CRTAC1: variants seen among roughly 807,000 people sequenced by gnomAD.
The protein encoded by CRTAC1 is acidic secreted protein in cartilage.
In CRTAC1, 37 loss-of-function variants were observed where a neutral mutation model predicts 67.8. The observed-to-expected ratio is 0.55, with a 90% CI of 0.42 to 0.72. The LOEUF is 0.72. Among genes scored for constraint, CRTAC1 ranks in the 30% least tolerant of loss-of-function variants. CRTAC1 has a pLI of 0.00. For missense variants in CRTAC1, 780 were observed against 931.6 expected, an observed-to-expected ratio of 0.84 and a Z score of 2.12; for synonymous variants, 348 against 371.0, an observed-to-expected ratio of 0.94 and a Z score of 0.71.
At chr10:97,981,736 C>T (rs1456338349) in intron 2 of CRTAC1, among the ~76,000 whole-genome samples, 2 of 152,180 alleles carry the variant, frequency 1.3e-5, no homozygotes, top group African/African-American at 4.8e-5. Flanking sequence ...AATTTTTGAA[C>T]TCCCACTAAT....
intron 2 of CRTAC1, among the ~76,000 whole-genome samples, chr10:97,973,283 A>T (rs1390846364): frequency 1.3e-5 from 2 of 152,114 alleles, no homozygotes; most frequent in Middle Eastern, 3.2e-3. Flanking sequence ...TTCACTGTTC[A>T]GCCTTGTCTC....
intron 1 of CRTAC1, among the ~76,000 whole-genome samples, chr10:98,024,377 G>A (rs557141364): frequency 6.6e-6 from 1 of 152,280 alleles, no homozygotes; most frequent in South Asian, 2.1e-4. Context: ...AAATAAACAA[G>A]GTTTCACTGA....
chr10:97,967,864 G>T (rs970446296), intron 2 of CRTAC1, among the ~76,000 whole-genome samples: 9 of 152,150 alleles, frequency 5.9e-5, no homozygotes, highest in African/African-American at 2.2e-4. Context: ...TTTCAACCCA[G>T]TGATTGTTGA....
chr10:97,899,458 A>G (rs1245571639), intron 8 of CRTAC1, among the ~76,000 whole-genome samples: 1 of 152,140 alleles, frequency 6.6e-6, no homozygotes, highest in East Asian at 1.9e-4. Flanking sequence ...GACAGAGACT[A>G]GGTTCTCGGG....
At chr10:98,025,844 G>T (rs1843221735) in intron 1 of CRTAC1, among the ~76,000 whole-genome samples, 1 of 152,122 alleles carries the variant, frequency 6.6e-6, no homozygotes, top group Non-Finnish European at 1.5e-5. Flanking sequence ...AATAGCTCAG[G>T]GCCCTCCATC....
At chr10:97,992,101 C>A (rs1842472528) in intron 2 of CRTAC1, among the ~76,000 whole-genome samples, 1 of 152,194 alleles carries the variant, frequency 6.6e-6, no homozygotes, top group Non-Finnish European at 1.5e-5. Context: ...AAGGCCTTCT[C>A]AGGCCAGCCG....
At position 98,005,096 on chromosome 10, in the gene CRTAC1, A is replaced by ATTTT. The variant is rs1247445698; in HGVS notation, c.224+6041_224+6042insAAAA. Among the ~76,000 whole-genome samples the ATTTT allele has an allele frequency of 6.7e-3, 222 of 32,940 alleles. 6 individuals are homozygous for ATTTT. Among genetic ancestry groups the ATTTT allele is most frequent in the African/African-American group, 0.024 (217 of 9,102 alleles). 21.6% of individuals were successfully genotyped at this position (32,940 alleles called of 152,430 possible). A position where few individuals can be genotyped will look rare whatever the true frequency, so the allele number is the denominator to read the frequency against. On this transcript the variant is annotated intron_variant, in intron 2 of 14. Transcript: ENST00000370597. ...TAAAGTAATACATATATATATATAT[A>ATTTT]TATATTTTTTTTTTTTTTTTTTTTT...
intron 2 of CRTAC1, among the ~76,000 whole-genome samples, chr10:97,986,312 G>T (rs950163030): frequency 6.6e-6 from 1 of 152,220 alleles, no homozygotes; most frequent in Admixed American, 6.5e-5. Context: ...AACCAGGGGA[G>T]ACCTTCCTTT....
chr10:97,894,394 T>C (rs1326447668), intron 11 of CRTAC1, among the ~76,000 whole-genome samples: 11 of 152,052 alleles, frequency 7.2e-5, no homozygotes, highest in African/African-American at 2.6e-4. Context: ...TGCATGTTGA[T>C]GCTTTTTTTA....
At chr10:97,960,005 G>A (rs551364928) in intron 2 of CRTAC1, among the ~76,000 whole-genome samples, 1 of 152,366 alleles carries the variant, frequency 6.6e-6, no homozygotes, top group South Asian at 2.1e-4. Flanking sequence ...ACTCTGCCTA[G>A]CATGTACTAA....
chr10:98,003,005 G>A (rs919786562), intron 2 of CRTAC1, among the ~76,000 whole-genome samples: 12 of 151,042 alleles, frequency 7.9e-5, no homozygotes, highest in African/African-American at 2.9e-4. Flanking sequence ...GGATGGTCTC[G>A]ATCTCCTGAC....
intron 2 of CRTAC1, among the ~76,000 whole-genome samples, chr10:97,999,395 C>T (rs1466992198): frequency 6.6e-6 from 1 of 152,216 alleles, no homozygotes. Context: ...TTAGGGCAAG[C>T]CCGGGCACTG....
At chr10:97,990,302 C>T (rs905728853) in intron 2 of CRTAC1, among the ~76,000 whole-genome samples, 4 of 152,184 alleles carry the variant, frequency 2.6e-5, no homozygotes, top group South Asian at 2.1e-4. Flanking sequence ...GCTACTATAG[C>T]GCTCATTTTT....
chr10:97,871,045 G>A (rs555186563), intron 14 of CRTAC1: 1 of 152,292 alleles, frequency 6.6e-6, no homozygotes, highest in South Asian at 2.1e-4. Flanking sequence ...TGGTAATGTC[G>A]GTTTCTTTCC....
chr10:97,906,480 C>T (rs886870980), intron 6 of CRTAC1, among the ~76,000 whole-genome samples: 1 of 152,180 alleles, frequency 6.6e-6, no homozygotes, highest in Non-Finnish European at 1.5e-5. Flanking sequence ...AATTACGGGC[C>T]TAGCACCTTG....
chr10:97,899,828 C>T (rs1475594821), intron 8 of CRTAC1, among the ~76,000 whole-genome samples: 1 of 152,160 alleles, frequency 6.6e-6, no homozygotes, highest in Non-Finnish European at 1.5e-5. Context: ...GGCCCTGGCA[C>T]ACCCTCCTTT....
At position 97,865,472 on chromosome 10, in the gene CRTAC1, T is replaced by A; in HGVS notation, c.*76A>T. Reference sequence around the variant, plus strand: ...AGCTCCCAGGCCTTTACATCCCTACTGTCTAGGCAGCAGCACAAGCCCACT... The same window carrying A: ...AGCTCCCAGGCCTTTACATCCCTACAGTCTAGGCAGCAGCACAAGCCCACT... On this transcript the variant is annotated 3_prime_UTR_variant, in exon 15 of 15. Coordinates refer to ENST00000370597, the MANE Select transcript of CRTAC1 (RefSeq NM_018058.7). 5 of 1,524,564 alleles carry A rather than the reference T, an allele frequency of 3.3e-6. No individual in the cohort carries two copies. The highest frequency in any genetic ancestry group is 4.4e-6 in the Non-Finnish European group (5 of 1,127,762). The allele number at this position is 1,524,564 out of a possible 1,614,324, so 94.4% of individuals were successfully genotyped here.
chr10:97,891,313 T>C (rs985683542), intron 11 of CRTAC1, among the ~76,000 whole-genome samples: 1 of 152,244 alleles, frequency 6.6e-6, no homozygotes, highest in African/African-American at 2.4e-5. Context: ...TTCCCAAACA[T>C]TCCCGTTCTT....
intron 1 of CRTAC1, among the ~76,000 whole-genome samples, chr10:98,013,775 A>T (rs1043787327): frequency 1.3e-5 from 2 of 152,178 alleles, no homozygotes; most frequent in Admixed American, 6.5e-5. Flanking sequence ...CTTTCTAAGG[A>T]TATTAAACAT....
Sources: allele counts gnomAD v4.1 joint callset (sites outside exome capture counted in the v4.1 genomes callset), GRCh38; gene constraint gnomAD v4.1.1; transcripts MANE v1.5; gene names NCBI Gene and HGNC (gene_info 2026-07-23, HGNC 2026-07-21).